L3MBTL1: variants seen among roughly 807,000 people sequenced by gnomAD.
L3MBTL1 encodes L3MBTL histone methyl-lysine binding protein 1.
Under a neutral mutation model 105.3 loss-of-function variants are expected in L3MBTL1, and 75 were observed. The ratio of observed to expected loss-of-function variants is 0.71; its 90% CI spans 0.59 to 0.86. L3MBTL1 has a LOEUF of 0.86. Among genes scored for constraint, L3MBTL1 ranks in the 40% least tolerant of loss-of-function variants. L3MBTL1 has a pLI of 0.00. For missense variants in L3MBTL1, 1,069 were observed against 1,126.4 expected (o/e 0.95, Z 0.73); for synonymous variants, 452 against 436.2 (o/e 1.04, Z -0.45).
At position 43,530,630 on chromosome 20, in the gene L3MBTL1, G is replaced by A. The variant is rs551449736; in HGVS notation, c.1193-168G>A. The A allele has an allele frequency of 1.9e-4, 148 of 772,282 alleles. No individual in the cohort carries two copies. The South Asian group carries it at 2.6e-3, about 13-fold the overall frequency. The allele number at this position is 772,282 out of a possible 1,614,324, so 47.8% of individuals were successfully genotyped here. ...TCCGCTTTGCACTTGCCCTTTGAGT[G>A]TCTACTCAAGTCGTGTCCTGCTTCA... On this transcript the variant is annotated intron_variant, in intron 10 of 21. Coordinates refer to ENST00000418998, the MANE Select transcript of L3MBTL1 (RefSeq NM_001377303.1).
downstream of L3MBTL1, among the ~76,000 whole-genome samples, chr20:43,542,703 C>T (rs539811654): frequency 6.6e-6 from 1 of 151,942 alleles, no homozygotes; most frequent in African/African-American, 2.4e-5. Context: ...CAGTCCGCAC[C>T]CCAAAAGACA....
rs778579008 is a variant in L3MBTL1 at position 43,540,158 on chromosome 20, G to A, written c.2181G>A (p.Thr727=). Residue 727 remains threonine, a synonymous_variant, in exon 20 of 22, where the codon ACG becomes ACA. Coordinates refer to ENST00000418998, the MANE Select transcript of L3MBTL1 (RefSeq NM_001377303.1). ...TCTGCCTCTGCTTTCCAGCCCTCACGCCCGATGTCGTGCACCAGTCCCTCT... is the reference window on the plus strand; with the variant it reads ...TCTGCCTCTGCTTTCCAGCCCTCACACCCGATGTCGTGCACCAGTCCCTCT... ...KIPQEDFQTL[T]PDVVHQSLFM... is the part of the protein sequence containing the mutation. 26 of 1,611,786 alleles carry A rather than the reference G, an allele frequency of 1.6e-5. No homozygotes were observed. The highest frequency in any genetic ancestry group is 2.2e-5 in the East Asian group (1 of 44,864).
chr20:43,526,291 A>G (rs1399209806), intron 7 of L3MBTL1, among the ~76,000 whole-genome samples: 6 of 152,166 alleles, frequency 3.9e-5, no homozygotes, highest in African/African-American at 1.4e-4. Flanking sequence ...GGGTTCTGTC[A>G]TAGTAGAAGA....
intron 7 of L3MBTL1, among the ~76,000 whole-genome samples, chr20:43,527,449 G>T (rs1049632404): frequency 6.6e-6 from 1 of 152,212 alleles, no homozygotes. Flanking sequence ...CCTCAGGTTA[G>T]ATTGAAGGTG....
At position 43,541,585 on chromosome 20, in the gene L3MBTL1, C is replaced by T. The variant is rs41303815; in HGVS notation, c.*457C>T. The T allele has an allele frequency of 7.5e-3, 1,202 of 161,204 alleles. 10 individuals carry two copies. The highest frequency in any genetic ancestry group is 0.012 in the Non-Finnish European group (893 of 73,992). The allele number at this position is 161,204 out of a possible 1,614,324, so 10.0% of individuals were successfully genotyped here. On this transcript the variant is annotated 3_prime_UTR_variant, in exon 22 of 22. Coordinates refer to ENST00000418998, the MANE Select transcript of L3MBTL1 (RefSeq NM_001377303.1). ...TAGATGTTATATGTATTTTTATTTA[C>T]ATGTATATTTTCACATGAAATACCA... is the stretch of plus-strand genomic sequence containing the variant.
At chr20:43,535,769 C>A (rs2019570932) in intron 16 of L3MBTL1, 68 bp from the exon 17 acceptor site, 9 of 1,019,008 alleles carry the variant, frequency 8.8e-6, no homozygotes, top group Non-Finnish European at 1.3e-5. Context: ...GTGGAAACTG[C>A]TCCTTCCGTG....
At chr20:43,512,822 G>A (rs1332056890) in intron 1 of L3MBTL1, among the ~76,000 whole-genome samples, 1 of 152,186 alleles carries the variant, frequency 6.6e-6, no homozygotes, top group East Asian at 1.9e-4. Context: ...TACTGCCTTT[G>A]CGTTATTAAA....
Position 43,534,915 on chromosome 20 carries a change from A to C in L3MBTL1, c.1798A>C (p.Thr600Pro). The C allele has an allele frequency of 6.2e-7, 1 of 1,605,188 alleles. No homozygotes were observed. The highest frequency in any genetic ancestry group is 8.5e-7 in the Non-Finnish European group (1 of 1,178,626). ...CCACCCTGCCGGCTGGTGCTCCAAGACAGGACATCCCCTGCAGCCTCCTCT... is the reference window on the plus strand; with the variant it reads ...CCACCCTGCCGGCTGGTGCTCCAAGCCAGGACATCCCCTGCAGCCTCCTCT... ...DIHPAGWCSK[T>P]GHPLQPPLGP... The change falls in exon 16 of 22, where the codon ACA (threonine) becomes CCA (proline). Residue 600 changes from threonine (T) to proline (P), a missense_variant. Transcript: ENST00000418998.
At chr20:43,510,406 C>CTTTCTTT (rs752825009) in intron 1 of L3MBTL1, among the ~76,000 whole-genome samples, 6 of 127,566 alleles carry the variant, frequency 4.7e-5, no homozygotes, top group Admixed American at 4.3e-4. Context: ...TTCTTTCTTT[C>CTTTCTTT]TTTTTTTTTT....
rs1480574087 is a variant in L3MBTL1, at chr20:43,530,318, G to A, written c.1091G>A (p.Gly364Glu). The A allele has an allele frequency of 6.2e-7, 1 of 1,613,954 alleles. No individual in the cohort carries two copies. Among genetic ancestry groups the A allele is most frequent in the Admixed American group, 1.7e-5 (1 of 59,984 alleles). The change falls in exon 10 of 22, where the codon GGG (glycine) becomes GAG (glutamate). Residue 364 changes from glycine (G) to glutamate (E), a missense_variant. Gly to Glu is a moderately conservative substitution (Grantham distance 98, BLOSUM62 -2). Coordinates refer to ENST00000418998, the MANE Select transcript of L3MBTL1 (RefSeq NM_001377303.1). ...TATCGCCTACGCCTGCACTTTGATG[G>A]GTATTCTGAGTGCCATGACTTCTGG... The part of the protein sequence containing the change: ...CGYRLRLHFD[G>E]YSECHDFWVN...
At chr20:43,535,777 G>T in intron 16 of L3MBTL1, 60 bp from the exon 17 acceptor site, 1 of 1,113,126 alleles carries the variant, frequency 9.0e-7, no homozygotes, top group East Asian at 2.4e-5. Context: ...TGCTCCTTCC[G>T]TGCCCCACAC....
chr20:43,547,959 C>T (rs1978730445), intron 18 of L3MBTL1, among the ~76,000 whole-genome samples: 1 of 151,188 alleles, frequency 6.6e-6, no homozygotes, highest in African/African-American at 2.4e-5. Flanking sequence ...GGTCCTTTCT[C>T]TCCCCTTCTC....
chr20:43,536,574 G>A, intron 19 of L3MBTL1, 116 bp downstream of exon 19: 4 of 1,224,174 alleles, frequency 3.3e-6, no homozygotes, highest in Non-Finnish European at 4.7e-6. Context: ...AAGGAGGGCT[G>A]TGCCTCTTCG....
At chr20:43,514,892 G>A in intron 4 of L3MBTL1, 116 bp downstream of exon 4, 8 of 1,464,632 alleles carry the variant, frequency 5.5e-6, no homozygotes, top group Non-Finnish European at 7.3e-6. Flanking sequence ...GAAGGCTGGA[G>A]GAGGCCATCC....
At chr20:43,540,351 C>A in intron 20 of L3MBTL1, 43 bp downstream of exon 20, 1 of 1,602,680 alleles carries the variant, frequency 6.2e-7, no homozygotes, top group Non-Finnish European at 8.5e-7. Flanking sequence ...TTCCTCTCCT[C>A]CTCCCTCTCA....
intron 7 of L3MBTL1, among the ~76,000 whole-genome samples, chr20:43,519,700 A>G (rs1202338100): frequency 3.3e-5 from 5 of 152,182 alleles, no homozygotes; most frequent in South Asian, 2.1e-4. Flanking sequence ...GTGATTCACA[A>G]TGCAGTCATA....
In L3MBTL1 at chr20:43,536,199, C is replaced by T; in HGVS notation, c.2028C>T (p.Ser676=). 1 of 1,613,128 alleles carries T rather than the reference C, an allele frequency of 6.2e-7. No homozygotes were observed. ...SGCPLAERNQ[S]RLKAELSDSE... is the part of the protein sequence containing the mutation. ...GCCCACTGGCTGAGAGGAACCAGAG[C>T]CGGCTGAAAGCGGAGCTGTCTGACT... The change falls in exon 18 of 22, where the codon AGC becomes AGT. Residue 676 remains serine, a synonymous_variant. Transcript: ENST00000418998.
intron 13 of L3MBTL1, 37 bp downstream of exon 13, chr20:43,533,455 C>A: frequency 1.3e-6 from 2 of 1,573,646 alleles, no homozygotes; most frequent in Non-Finnish European, 1.7e-6. Context: ...CTTTCCTAAG[C>A]CTGGCTCTGC....
At chr20:43,519,887 T>G (rs1005954436) in intron 7 of L3MBTL1, among the ~76,000 whole-genome samples, 1 of 152,216 alleles carries the variant, frequency 6.6e-6, no homozygotes, top group Non-Finnish European at 1.5e-5. Flanking sequence ...TGATTAGTGC[T>G]TTTTCCATAC....
Sources: allele counts gnomAD v4.1 joint callset (sites outside exome capture counted in the v4.1 genomes callset), GRCh38; gene constraint gnomAD v4.1.1; transcripts MANE v1.5; gene names NCBI Gene and HGNC (gene_info 2026-07-23, HGNC 2026-07-21).